Variants in ATP2B1 observed in about 807,000 individuals in gnomAD.
ATP2B1 encodes plasma membrane calcium-transporting ATPase 1.
In ATP2B1, 14 loss-of-function variants were observed where a neutral mutation model predicts 124.2. The observed-to-expected ratio is 0.11, with a 90% CI of 0.07 to 0.18. ATP2B1 has a LOEUF of 0.18. Among genes scored for constraint, ATP2B1 ranks in the 10% least tolerant of loss-of-function variants. The pLI is 1.00. For missense variants in ATP2B1, 763 were observed against 1,466.1 expected (o/e 0.52, Z 7.83); for synonymous variants, 449 against 492.4 (o/e 0.91, Z 1.17).
At chr12:89,628,309 G>C (rs1030474736) in intron 6 of ATP2B1, among the ~76,000 whole-genome samples, 1 of 151,762 alleles carries the variant, frequency 6.6e-6, no homozygotes, top group Admixed American at 6.6e-5. Flanking sequence ...GGTTGAGGCG[G>C]GAGAGTTGCT....
chr12:89,651,282 T>C (rs1458435435), intron 2 of ATP2B1, among the ~76,000 whole-genome samples: 3 of 152,176 alleles, frequency 2.0e-5, no homozygotes, highest in Non-Finnish European at 4.4e-5. Flanking sequence ...GGCACTCTTT[T>C]TGTTCTTGAG....
chr12:89,708,141 G>A (rs1892726648), intron 1 of ATP2B1, among the ~76,000 whole-genome samples: 1 of 152,158 alleles, frequency 6.6e-6, no homozygotes, highest in African/African-American at 2.4e-5. Context: ...GGGGGCCGAG[G>A]CCAAGGATTA....
chr12:89,673,035 T>C (rs1228593535), intron 1 of ATP2B1, among the ~76,000 whole-genome samples: 1 of 152,226 alleles, frequency 6.6e-6, no homozygotes, highest in Non-Finnish European at 1.5e-5. Flanking sequence ...ACAGTAATCT[T>C]ATTCCTATCC....
intron 1 of ATP2B1, among the ~76,000 whole-genome samples, chr12:89,693,682 C>T (rs1890799514): frequency 6.6e-6 from 1 of 152,176 alleles, no homozygotes; most frequent in Non-Finnish European, 1.5e-5. Flanking sequence ...TCTAAACAGT[C>T]TTTCTAGTTT....
chr12:89,627,532 C>T (rs919234772), intron 7 of ATP2B1, 146 bp downstream of exon 7: 13 of 782,408 alleles, frequency 1.7e-5, no homozygotes, highest in East Asian at 5.2e-5. Flanking sequence ...ACTAAGACAC[C>T]GGCAGGAAGA....
rs907022198 is a variant in ATP2B1, at chr12:89,598,841, C to G, written c.3351+276G>C. 1.2e-5 allele frequency: 17 copies of G among 1,406,506 alleles called. No individual in the cohort carries two copies. The Admixed American group carries it at 2.4e-4, about 20-fold the overall frequency. The allele number at this position is 1,406,506 out of a possible 1,614,324, so 87.1% of individuals were successfully genotyped here. A position where few individuals can be genotyped will look rare whatever the true frequency, so the allele number is the denominator to read the frequency against. ...CTATCAACATATAAAAAGAAAAAGG[C>G]ACTTTTTACACAGCATATAGGCAAG... On this transcript the variant is annotated intron_variant, in intron 20 of 20. Transcript: ENST00000428670.
chr12:89,647,389 C>G (rs576616871), intron 2 of ATP2B1, among the ~76,000 whole-genome samples: 4 of 152,256 alleles, frequency 2.6e-5, no homozygotes, highest in African/African-American at 9.6e-5. Context: ...GAAGTACTGT[C>G]TTTATATTTG....
intron 11 of ATP2B1, 35 bp from the exon 12 acceptor site, chr12:89,617,074 T>A: frequency 6.5e-7 from 1 of 1,537,938 alleles, no homozygotes; most frequent in Non-Finnish European, 9.0e-7. Flanking sequence ...CATCAATAAT[T>A]TAAAAAAATA....
At chr12:89,672,789 C>T (rs1023764197) in intron 1 of ATP2B1, among the ~76,000 whole-genome samples, 1 of 152,106 alleles carries the variant, frequency 6.6e-6, no homozygotes, top group Admixed American at 6.6e-5. Context: ...TATTTATAAA[C>T]ACTACCTGTA....
intron 3 of ATP2B1, among the ~76,000 whole-genome samples, chr12:89,638,694 C>A (rs1475315084): frequency 2.0e-5 from 3 of 152,194 alleles, no homozygotes; most frequent in East Asian, 3.9e-4. Context: ...TAAAAATGCA[C>A]TGATAAATAT....
chr12:89,591,630 C>A (rs1162767551), intron 20 of ATP2B1, among the ~76,000 whole-genome samples: 3 of 151,888 alleles, frequency 2.0e-5, no homozygotes, highest in Non-Finnish European at 4.4e-5. Flanking sequence ...CTTAACCATA[C>A]ACAAGCTTAG....
At chr12:89,658,940 T>G (rs1205195972) in intron 1 of ATP2B1, among the ~76,000 whole-genome samples, 1 of 152,204 alleles carries the variant, frequency 6.6e-6, no homozygotes, top group East Asian at 1.9e-4. Flanking sequence ...ACCAATCACC[T>G]ACAAATTATG....
chr12:89,671,406 A>T (rs1179474456), intron 1 of ATP2B1, among the ~76,000 whole-genome samples: 2 of 152,196 alleles, frequency 1.3e-5, no homozygotes, highest in African/African-American at 4.8e-5. Context: ...TTACAGTAGT[A>T]TTTGTATCCT....
rs112879108 is a variant in ATP2B1, at chr12:89,636,092, T to G, written c.407-841A>C. Among the ~76,000 whole-genome samples, 854 of 151,874 alleles carry G rather than the reference T, an allele frequency of 5.6e-3. 7 individuals carry two copies. Among genetic ancestry groups the G allele is most frequent in the African/African-American group, 0.019 (799 of 41,400 alleles). ...GTTCAGTGAGCAGAGAAGGCCCCAT[T>G]GAGGTATGCATGACATTTGAGCTAC... On this transcript the variant is annotated intron_variant, in intron 3 of 20. Transcript: ENST00000428670.
chr12:89,604,830 T>G (rs923324268), intron 15 of ATP2B1, among the ~76,000 whole-genome samples: 3 of 151,594 alleles, frequency 2.0e-5, no homozygotes, highest in Non-Finnish European at 4.4e-5. Flanking sequence ...AAAGTAGAAG[T>G]AGCCCCCTTT....
intron 2 of ATP2B1, among the ~76,000 whole-genome samples, chr12:89,652,830 T>A (rs1885431854): frequency 6.6e-6 from 1 of 152,206 alleles, no homozygotes; most frequent in Non-Finnish European, 1.5e-5. Flanking sequence ...CTCAAACTCC[T>A]GGACTCAAGT....
chr12:89,651,928 A>C (rs1885305598), intron 2 of ATP2B1, among the ~76,000 whole-genome samples: 1 of 152,182 alleles, frequency 6.6e-6, no homozygotes, highest in Admixed American at 6.5e-5. Context: ...GCTAATAGCC[A>C]ATATGGCACA....
chr12:89,598,039 C>CAAAAAAAAAAAAAAAAAAAAAAAAAAA (rs10661138), intron 20 of ATP2B1, among the ~76,000 whole-genome samples: 2 of 60,526 alleles, frequency 3.3e-5, no homozygotes, highest in African/African-American at 7.0e-5. Flanking sequence ...CACAACCAAG[C>CAAAAAAAAAAAAAAAAAAAAAAAAAAA]AAAAAAAAAA....
At chr12:89,680,928 G>C (rs1384478174) in intron 1 of ATP2B1, among the ~76,000 whole-genome samples, 1 of 152,144 alleles carries the variant, frequency 6.6e-6, no homozygotes, top group Non-Finnish European at 1.5e-5. Flanking sequence ...AGAAACTTCA[G>C]AATGTGGGAG....
Sources: gnomAD v4.1 joint callset for allele counts (sites outside exome capture counted in the v4.1 genomes callset) on GRCh38, gnomAD v4.1.1 for gene constraint, MANE v1.5 for transcripts, NCBI Gene and HGNC (gene_info 2026-07-23, HGNC 2026-07-21) for gene names.